NCOA1: variants seen among roughly 807,000 people sequenced by gnomAD.
NCOA1 encodes the protein Hin-2 protein.
A neutral mutation model predicts 150.9 loss-of-function variants in NCOA1; 35 were observed. The ratio of observed to expected loss-of-function variants is 0.23; its 90% confidence interval spans 0.18 to 0.31. The LOEUF (loss-of-function observed/expected upper bound fraction) is 0.31, where lower values mean the gene tolerates loss of function less well. Among genes scored for constraint, NCOA1 ranks in the 10% least tolerant of loss-of-function variants. The pLI is 1.00. For missense variants in NCOA1, 1,491 were observed against 1,749.3 expected, an observed-to-expected ratio of 0.85 and a Z score of 2.63; for synonymous variants, 590 against 630.0, an observed-to-expected ratio of 0.94 and a Z score of 0.95.
At chr2:24,637,099 TAC>T (rs1369380226) in intron 3 of NCOA1, among the ~76,000 whole-genome samples, 4 of 151,764 alleles carry the variant, frequency 2.6e-5, no homozygotes, top group African/African-American at 7.2e-5. Context: ...ATTATTATTA[TAC>T]TTTAAGTTTT....
intron 5 of NCOA1, among the ~76,000 whole-genome samples, chr2:24,663,945 G>T (rs780033236): frequency 1.3e-5 from 2 of 152,102 alleles, no homozygotes; most frequent in Non-Finnish European, 2.9e-5. Flanking sequence ...AGAGTTCCAC[G>T]AAGAGAGTCC....
chr2:24,711,238 A>G, intron 14 of NCOA1, 127 bp downstream of exon 14: 1 of 896,654 alleles, frequency 1.1e-6, no homozygotes, highest in Non-Finnish European at 1.6e-6. Context: ...ATGCCACTAT[A>G]AATAATAAAA....
chr2:24,547,099 C>T (rs1239460492), intron 1 of NCOA1, among the ~76,000 whole-genome samples: 1 of 152,108 alleles, frequency 6.6e-6, no homozygotes, highest in African/African-American at 2.4e-5. Flanking sequence ...CAATGGCGGC[C>T]AAGTTTGGAA....
chr2:24,736,163 G>A (rs1283638475), intron 17 of NCOA1, among the ~76,000 whole-genome samples: 2 of 151,104 alleles, frequency 1.3e-5, no homozygotes, highest in South Asian at 2.1e-4. Flanking sequence ...GGAGGTTGCA[G>A]TGAGCTGAGA....
At chr2:24,659,669 A>G (rs1472887805) in intron 5 of NCOA1, among the ~76,000 whole-genome samples, 2 of 152,100 alleles carry the variant, frequency 1.3e-5, no homozygotes, top group African/African-American at 4.8e-5. Context: ...ATGAGTGGAG[A>G]TTTTATTCCA....
rs1302634620 is a variant in NCOA1 at position 24,693,299 on chromosome 2, C to A, written c.760C>A (p.Pro254Thr). 5 of 1,614,182 alleles carry A rather than the reference C, an allele frequency of 3.1e-6. No individual in the cohort carries two copies. Among genetic ancestry groups the A allele is most frequent in the Non-Finnish European group, 4.2e-6 (5 of 1,180,026 alleles). Reference protein sequence around the residue: ...ICIARRLPRPPAITGVESFMT... With the variant: ...ICIARRLPRPTAITGVESFMT... ...TATTGCACGGCGATTACCTCGGCCT[C>A]CAGCTATTACGGGTGTAGAATCCTT... The change falls in exon 10 of 23, where the codon CCA becomes ACA. Residue 254 changes from proline to threonine, a missense_variant. Physicochemically the swap from Pro to Thr is conservative, Grantham distance 38. Coordinates refer to ENST00000348332, the MANE Select transcript of NCOA1 (RefSeq NM_003743.5).
rs1673529769 is a variant in NCOA1 at position 24,707,772 on chromosome 2, C to T, written c.2302C>T (p.Leu768=). 5 of 1,614,016 alleles carry T rather than the reference C, an allele frequency of 3.1e-6. No individual in the cohort carries two copies. In the South Asian group the frequency reaches 3.3e-5, roughly 11 times the overall value. The change falls in exon 13 of 23, where the codon CTG becomes TTG. Residue 768 remains leucine, a synonymous_variant. Coordinates refer to ENST00000348332, the MANE Select transcript of NCOA1 (RefSeq NM_003743.5). ...KDLRSTPNLS[L]DDVKVKVEKK... is the part of the protein sequence containing the mutation. ...TTTAAGATCAACTCCAAACCTGAGC[C>T]TGGATGATGTAAAGGTGAAAGTGGA...
rs865928496 is a variant in NCOA1, at chr2:24,665,873, A to G, written c.214A>G (p.Lys72Glu). Residue 72 changes from lysine (K) to glutamate (E), a missense_variant, in exon 6 of 23, where the codon AAA (lysine) becomes GAA (glutamate). Physicochemically the swap from Lys to Glu is moderately conservative, Grantham distance 56. Coordinates refer to ENST00000348332, the MANE Select transcript of NCOA1 (RefSeq NM_003743.5). ...VKPDKCKILKKTVDQIQLMKR... is the reference protein window; with the variant it reads ...VKPDKCKILKETVDQIQLMKR... Reference sequence around the variant, plus strand: ...ACCAGACAAATGCAAGATTTTGAAGAAAACAGTCGATCAGATACAGCTAAT... The same window carrying G: ...ACCAGACAAATGCAAGATTTTGAAGGAAACAGTCGATCAGATACAGCTAAT... 6.3e-7 allele frequency: 1 copy of G among 1,599,226 alleles called. No homozygotes were observed. The highest frequency in any genetic ancestry group is 8.5e-7 in the Non-Finnish European group (1 of 1,172,422).
At chr2:24,729,390 G>A (rs779160905) in intron 16 of NCOA1, 111 bp from the exon 17 acceptor site, 12 of 1,060,494 alleles carry the variant, frequency 1.1e-5, no homozygotes, top group Non-Finnish European at 1.6e-5. Context: ...GTAAACTTCT[G>A]GAGAGCATGA....
chr2:24,701,966 T>C (rs12616487), intron 11 of NCOA1, among the ~76,000 whole-genome samples: 115,611 of 152,148 alleles, frequency 0.76, 45,569 homozygotes, highest in Admixed American at 0.86. Context: ...GGCGAGATCA[T>C]GCCACTGCAC....
At chr2:24,498,216 C>G (rs2148067678) in intron 1 of NCOA1, among the ~76,000 whole-genome samples, 1 of 152,302 alleles carries the variant, frequency 6.6e-6, no homozygotes, top group East Asian at 1.9e-4. Flanking sequence ...TACAGGTAGT[C>G]TGTAATTGAA....
chr2:24,654,944 C>A (rs2148484334), intron 4 of NCOA1, among the ~76,000 whole-genome samples: 1 of 152,294 alleles, frequency 6.6e-6, no homozygotes, highest in South Asian at 2.1e-4. Flanking sequence ...TGAATCCTTT[C>A]CTAATTACCT....
At chr2:24,593,439 T>A (rs2148339328) in intron 3 of NCOA1, among the ~76,000 whole-genome samples, 1 of 152,222 alleles carries the variant, frequency 6.6e-6, no homozygotes, top group African/African-American at 2.4e-5. Context: ...TGGGCCTTTC[T>A]TTATCGAAAG....
intron 3 of NCOA1, among the ~76,000 whole-genome samples, chr2:24,628,856 T>C (rs1178080447): frequency 6.6e-6 from 1 of 152,172 alleles, no homozygotes; most frequent in Non-Finnish European, 1.5e-5. Context: ...TAAAGCATAG[T>C]ATGCTTTGGG....
At chr2:24,552,556 G>A (rs1466209055) in intron 1 of NCOA1, among the ~76,000 whole-genome samples, 4 of 150,666 alleles carry the variant, frequency 2.7e-5, no homozygotes, top group Non-Finnish European at 5.9e-5. Context: ...TAGTAGAGAC[G>A]GGGTTTCACT....
At chr2:24,633,423 T>C (rs1001503022) in intron 3 of NCOA1, among the ~76,000 whole-genome samples, 1 of 152,008 alleles carries the variant, frequency 6.6e-6, no homozygotes, top group African/African-American at 2.4e-5. Context: ...CTCTGTATTA[T>C]TAAACATTCC....
rs75903345 is a variant in NCOA1, at chr2:24,512,973, A to G, written c.-396+21371A>G. 4.5e-3 allele frequency among the ~76,000 whole-genome samples: 691 copies of G among 152,282 alleles called. 7 individuals carry two copies. The highest frequency in any genetic ancestry group is 8.3e-3 in the Non-Finnish European group (565 of 68,012). ...AAATGATTTGTGTGTGTGGGTGCAT[A>G]TGGCTCTACCACACACAGATGAAAG... On this transcript the variant is annotated intron_variant, in intron 1 of 22. Coordinates refer to ENST00000348332, the MANE Select transcript of NCOA1 (RefSeq NM_003743.5).
chr2:24,606,214 AT>A (rs1558832922), intron 3 of NCOA1, among the ~76,000 whole-genome samples: 1 of 151,242 alleles, frequency 6.6e-6, no homozygotes, highest in Admixed American at 6.6e-5. Flanking sequence ...CATAATTTTT[AT>A]TTTTTTATTT....
At chr2:24,581,168 T>C (rs1166489405) in intron 2 of NCOA1, among the ~76,000 whole-genome samples, 1 of 152,184 alleles carries the variant, frequency 6.6e-6, no homozygotes, top group Non-Finnish European at 1.5e-5. Flanking sequence ...CTTTACTGTG[T>C]GATGGTGAAA....
Sources: allele counts gnomAD v4.1 joint callset (sites outside exome capture counted in the v4.1 genomes callset), GRCh38; gene constraint gnomAD v4.1.1; transcripts MANE v1.5; gene names NCBI Gene and HGNC (gene_info 2026-07-23, HGNC 2026-07-21).